Variants in MEF2C observed in about 807,000 individuals in gnomAD.
The protein encoded by MEF2C is myocyte enhancer factor 2C.
In MEF2C, 6 loss-of-function variants were observed where a neutral mutation model predicts 50.5. That is an observed-to-expected ratio of 0.12 (90% CI 0.07 to 0.23). The LOEUF is 0.23. Ranked by LOEUF, MEF2C falls within the 10% of genes least tolerant of loss-of-function variation. The pLI is 1.00. For synonymous variants in MEF2C, 183 were observed against 228.0 expected (o/e 0.80, Z 1.78); for missense variants, 276 against 605.0 (o/e 0.46, Z 5.70).
intron 2 of MEF2C, among the ~76,000 whole-genome samples, chr5:88,820,045 A>G (rs1807487877): frequency 6.7e-6 from 1 of 150,128 alleles, no homozygotes; most frequent in African/African-American, 2.5e-5. Flanking sequence ...CAGCCATAAA[A>G]TGGGACTTAT....
intron 1 of MEF2C, among the ~76,000 whole-genome samples, chr5:88,873,366 A>G (rs1378752737): frequency 2.0e-5 from 3 of 152,032 alleles, no homozygotes; most frequent in African/African-American, 7.2e-5. Context: ...CATCTAAAAC[A>G]ATTCTGTCGC....
intron 3 of MEF2C, among the ~76,000 whole-genome samples, chr5:88,789,446 G>A (rs558243981): frequency 6.6e-6 from 1 of 152,108 alleles, no homozygotes; most frequent in African/African-American, 2.4e-5. Flanking sequence ...GGGATTACAG[G>A]TGTGAGCCAC....
chr5:88,769,483 C>T (rs2152757972), intron 3 of MEF2C, among the ~76,000 whole-genome samples: 1 of 152,252 alleles, frequency 6.6e-6, no homozygotes, highest in Non-Finnish European at 1.5e-5. Flanking sequence ...TAGAATGGGA[C>T]TGAGATGGGG....
At chr5:88,748,457 T>C (rs554485336) in intron 6 of MEF2C, among the ~76,000 whole-genome samples, 63 of 152,324 alleles carry the variant, frequency 4.1e-4, no homozygotes, top group Non-Finnish European at 8.1e-4. Context: ...ATCTCAATAT[T>C]ACAAATTAAC....
intron 1 of MEF2C, chr5:88,881,285 T>C (rs1832741824): frequency 6.6e-6 from 1 of 152,202 alleles, no homozygotes; most frequent in Non-Finnish European, 1.5e-5. Context: ...TCTTTCCTCT[T>C]GAAATAGGAT....
intron 3 of MEF2C, among the ~76,000 whole-genome samples, chr5:88,775,224 G>C (rs1481902859): frequency 6.6e-6 from 1 of 152,146 alleles, no homozygotes; most frequent in Non-Finnish European, 1.5e-5. Flanking sequence ...ACTGGGACTT[G>C]CCTGCTAGTT....
chr5:88,859,213 C>A (rs987905888), intron 1 of MEF2C, among the ~76,000 whole-genome samples: 2 of 152,132 alleles, frequency 1.3e-5, no homozygotes, highest in African/African-American at 4.8e-5. Context: ...AAAATAAATT[C>A]TGGATTTTCC....
chr5:88,803,538 A>G (rs1799207031), intron 3 of MEF2C, among the ~76,000 whole-genome samples: 1 of 152,196 alleles, frequency 6.6e-6, no homozygotes, highest in African/African-American at 2.4e-5. Flanking sequence ...CATACTTTTG[A>G]AACACTTATT....
chr5:88,742,857 C>T, intron 6 of MEF2C: 1 of 984,476 alleles, frequency 1.0e-6, no homozygotes, highest in Non-Finnish European at 1.2e-6. Context: ...AGCTGCATAC[C>T]ACATGCTGTA....
At chr5:88,881,044 G>T (rs78914269) in intron 1 of MEF2C, 3 of 151,856 alleles carry the variant, frequency 2.0e-5, no homozygotes, top group African/African-American at 7.3e-5. Context: ...TCAAACATTC[G>T]AATGCTGTGT....
At chr5:88,841,814 C>G (rs1485945041) in intron 1 of MEF2C, among the ~76,000 whole-genome samples, 1 of 152,108 alleles carries the variant, frequency 6.6e-6, no homozygotes, top group Non-Finnish European at 1.5e-5. Context: ...GGGAATAAAA[C>G]AGACAAAATT....
intron 1 of MEF2C, among the ~76,000 whole-genome samples, chr5:88,864,772 T>TC (rs1471224618): frequency 2.0e-5 from 3 of 151,054 alleles, no homozygotes; most frequent in Non-Finnish European, 1.5e-5. Context: ...TTCAAATTTT[T>TC]TTTTTTTTTT....
chr5:88,835,697 C>A (rs1399301903), intron 1 of MEF2C, among the ~76,000 whole-genome samples: 1 of 151,294 alleles, frequency 6.6e-6, no homozygotes, highest in African/African-American at 2.4e-5. Context: ...CCTGTAATTC[C>A]AGCTGCTCGG....
At position 88,761,031 on chromosome 5, in the gene MEF2C, A is replaced by T. The variant is rs1777607644; in HGVS notation, c.402+154T>A. On this transcript the variant is annotated intron_variant, in intron 4 of 10. Coordinates refer to ENST00000504921, the MANE Select transcript of MEF2C (RefSeq NM_002397.5). ...GATCATATTATCAAATTCTTCATTA[A>T]TTTTTTTGTATTTTTCTTCAGTGCG... The T allele has an allele frequency of 6.2e-7, 1 of 1,610,918 alleles. No individual in the cohort carries two copies. The highest frequency in any genetic ancestry group is 8.5e-7 in the Non-Finnish European group (1 of 1,179,222).
At chr5:88,789,495 A>C (rs1277895873) in intron 3 of MEF2C, among the ~76,000 whole-genome samples, 1 of 152,030 alleles carries the variant, frequency 6.6e-6, no homozygotes, top group Non-Finnish European at 1.5e-5. Context: ...AATGTGAGGA[A>C]AAAACCCAAA....
intron 6 of MEF2C, among the ~76,000 whole-genome samples, chr5:88,745,911 G>A (rs1486358583): frequency 6.6e-6 from 1 of 152,182 alleles, no homozygotes; most frequent in Non-Finnish European, 1.5e-5. Flanking sequence ...TTCCTAATCT[G>A]TAGAAAGGGC....
In MEF2C at chr5:88,798,021, G is replaced by C. The variant is rs1269763293; in HGVS notation, c.258+6577C>G. ...GTTTCTGTAGAGAGATCTGCTGTTA[G>C]ACTGATGGGCTTCCCTTTGTGGGTA... On this transcript the variant is annotated intron_variant, in intron 3 of 10. Coordinates refer to ENST00000504921, the MANE Select transcript of MEF2C (RefSeq NM_002397.5). 2.0e-5 allele frequency among the ~76,000 whole-genome samples: 3 copies of C among 152,188 alleles called. No individual in the cohort carries two copies. The East Asian group carries it at 5.8e-4, about 29-fold the overall frequency.
chr5:88,803,906 T>C (rs533218439), intron 3 of MEF2C, among the ~76,000 whole-genome samples: 2 of 152,338 alleles, frequency 1.3e-5, no homozygotes, highest in Admixed American at 6.5e-5. Flanking sequence ...TTCAGCATCA[T>C]GCTTATTTAT....
chr5:88,860,109 T>C (rs548383745), intron 1 of MEF2C, among the ~76,000 whole-genome samples: 32 of 152,292 alleles, frequency 2.1e-4, no homozygotes, highest in African/African-American at 6.7e-4. Context: ...TGAAACCCTA[T>C]GTTTCACAGG....
Sources: allele counts gnomAD v4.1 joint callset (sites outside exome capture counted in the v4.1 genomes callset), GRCh38; gene constraint gnomAD v4.1.1; transcripts MANE v1.5; gene names NCBI Gene and HGNC (gene_info 2026-07-23, HGNC 2026-07-21).